PRDM11: variants seen among roughly 807,000 people sequenced by gnomAD.
PRDM11 encodes PR domain-containing protein 11.
A neutral mutation model predicts 97.8 loss-of-function variants in PRDM11; 20 were observed. The observed-to-expected ratio is 0.20, with a 90% CI of 0.14 to 0.30. The LOEUF (loss-of-function observed/expected upper bound fraction) is 0.30, where lower values mean the gene tolerates loss of function less well. Ranked by LOEUF, PRDM11 falls within the 10% of genes least tolerant of loss-of-function variation. The pLI is 1.00. For synonymous variants in PRDM11, 599 were observed against 637.7 expected (o/e 0.94, Z 0.91); for missense variants, 1,139 against 1,555.2 (o/e 0.73, Z 4.50).
chr11:45,186,132 A>G (rs568411608), intron 4 of PRDM11, among the ~76,000 whole-genome samples: 1 of 152,332 alleles, frequency 6.6e-6, no homozygotes, highest in South Asian at 2.1e-4. Flanking sequence ...CTATAAGGTA[A>G]TACATGTGTG....
chr11:45,227,208 C>G lies in PRDM11; in HGVS notation c.2583C>G (p.Ala861=). The G allele has an allele frequency of 6.5e-7, 1 of 1,533,974 alleles. No individual in the cohort carries two copies. Among genetic ancestry groups the G allele is most frequent in the Non-Finnish European group, 8.7e-7 (1 of 1,146,720 alleles). The change falls in exon 8 of 8, where the codon GCC becomes GCG. Residue 861 remains alanine (A), a synonymous_variant. Coordinates refer to ENST00000683152, the MANE Select transcript of PRDM11 (RefSeq NM_001384648.1). This position sits in a 1 kb window ranked among gnomAD's most constrained non-coding sequence, Gnocchi z 8.0. ...GCAGCCAGACCCAGCGGGCAGACGC[C>G]TCGGCCATCGCACTGGCCCTGCTGC... is the stretch of plus-strand genomic sequence containing the variant. ...EVSSQTQRAD[A]SAIALALLQF...
intron 1 of PRDM11, among the ~76,000 whole-genome samples, chr11:45,129,238 G>A (rs1461030598): frequency 6.6e-6 from 1 of 152,132 alleles, no homozygotes; most frequent in Non-Finnish European, 1.5e-5. Context: ...TCTGAGGTTA[G>A]GAACAAGACA....
chr11:45,225,088 A>G, intron 7 of PRDM11: 2 of 1,436,430 alleles, frequency 1.4e-6, no homozygotes, highest in Non-Finnish European at 1.8e-6. Context: ...GTTCCGCTGC[A>G]GAAGGGGTGT....
At chr11:45,155,838 ACC>A (rs930978262) in intron 1 of PRDM11, among the ~76,000 whole-genome samples, 1 of 151,850 alleles carries the variant, frequency 6.6e-6, no homozygotes, top group African/African-American at 2.4e-5. Flanking sequence ...TGGCTGCCAG[ACC>A]CTGGGCCTTT....
At chr11:45,123,368 T>G (rs955006617) in intron 1 of PRDM11, among the ~76,000 whole-genome samples, 2 of 152,134 alleles carry the variant, frequency 1.3e-5, no homozygotes, top group African/African-American at 4.8e-5. Context: ...TTTGTCAATT[T>G]TGGCTTTTGT....
At chr11:45,105,958 G>A (rs980876683) in intron 1 of PRDM11, among the ~76,000 whole-genome samples, 22 of 152,104 alleles carry the variant, frequency 1.4e-4, no homozygotes, top group Admixed American at 6.6e-5. Flanking sequence ...ATTTCCTTTA[G>A]GCAACAAAGA....
At chr11:45,153,244 G>C (rs568229859) in intron 1 of PRDM11, among the ~76,000 whole-genome samples, 1 of 152,364 alleles carries the variant, frequency 6.6e-6, no homozygotes, top group East Asian at 1.9e-4. Flanking sequence ...TGGTCCCTTG[G>C]CAGGGAAAGG....
At chr11:45,192,012 G>A (rs938722128) in intron 4 of PRDM11, among the ~76,000 whole-genome samples, 5 of 146,558 alleles carry the variant, frequency 3.4e-5, no homozygotes, top group Non-Finnish European at 6.0e-5. Context: ...TCCCACCCCC[G>A]CAACAGGCCG....
intron 4 of PRDM11, among the ~76,000 whole-genome samples, chr11:45,190,579 T>C (rs913871601): frequency 6.7e-6 from 1 of 148,842 alleles, no homozygotes; most frequent in African/African-American, 2.5e-5. Flanking sequence ...TGAGCAAACT[T>C]TTTTTTTTTT....
chr11:45,146,614 A>C (rs1477966947), upstream of PRDM11: 1 of 151,976 alleles, frequency 6.6e-6, no homozygotes, highest in Non-Finnish European at 1.5e-5. Context: ...GTCTGCCCCA[A>C]ACGCCGCTTT....
At chr11:45,130,198 T>A (rs912723485) in intron 1 of PRDM11, among the ~76,000 whole-genome samples, 2 of 152,066 alleles carry the variant, frequency 1.3e-5, no homozygotes, top group East Asian at 3.8e-4. Flanking sequence ...CAGAATCATA[T>A]CATTATGATA....
chr11:45,188,660 T>G (rs1852798743), intron 4 of PRDM11, among the ~76,000 whole-genome samples: 1 of 152,234 alleles, frequency 6.6e-6, no homozygotes, highest in African/African-American at 2.4e-5. Flanking sequence ...CCTGGCTGAC[T>G]TGGCAGGAGT....
chr11:45,201,451 T>C (rs1347184639), intron 4 of PRDM11, among the ~76,000 whole-genome samples: 1 of 152,132 alleles, frequency 6.6e-6, no homozygotes, highest in African/African-American at 2.4e-5. Flanking sequence ...CCTGCCTTCC[T>C]TCCTTTCTTG....
At chr11:45,094,488 G>C (rs1851857152), upstream of PRDM11, among the ~76,000 whole-genome samples, 1 of 150,416 alleles carries the variant, frequency 6.6e-6, no homozygotes, top group Admixed American at 6.6e-5. Context: ...TCATGGTGGG[G>C]AAGAGGAGAA....
intron 5 of PRDM11, among the ~76,000 whole-genome samples, chr11:45,217,361 C>T (rs1048759512): frequency 6.6e-6 from 1 of 152,090 alleles, no homozygotes; most frequent in African/African-American, 2.4e-5. Context: ...TGGAAATCAC[C>T]CTGTGGTCTT....
intron 1 of PRDM11, among the ~76,000 whole-genome samples, chr11:45,173,776 C>T (rs1852261813): frequency 6.6e-6 from 1 of 152,156 alleles, no homozygotes; most frequent in Non-Finnish European, 1.5e-5. Flanking sequence ...CAGGAGCCTC[C>T]ACTGGCTGGA....
Position 45,224,846 on chromosome 11 carries a change from A to G in PRDM11, c.1369+3A>G, listed in dbSNP as rs901173612. On this transcript the variant is annotated splice_donor_region_variant and intron_variant, in intron 7 of 7. Coordinates refer to ENST00000683152, the MANE Select transcript of PRDM11 (RefSeq NM_001384648.1). Reference sequence around the variant, plus strand: ...CCCAGAGTTCTCGGACCCTGCAGGTAAGTTGGTTTGGATGAGATTATTGTC... The same window carrying G: ...CCCAGAGTTCTCGGACCCTGCAGGTGAGTTGGTTTGGATGAGATTATTGTC... 3.1e-6 allele frequency: 5 copies of G among 1,613,344 alleles called. No individual in the cohort carries two copies. The highest frequency in any genetic ancestry group is 1.6e-4 in the Middle Eastern group (1 of 6,062).
intron 1 of PRDM11, among the ~76,000 whole-genome samples, chr11:45,152,631 T>C (rs938474341): frequency 6.6e-6 from 1 of 152,246 alleles, no homozygotes; most frequent in Non-Finnish European, 1.5e-5. Flanking sequence ...ATTGAGCACT[T>C]ACTGTGTTCA....
chr11:45,189,451 G>C (rs1852830351), intron 4 of PRDM11, among the ~76,000 whole-genome samples: 1 of 152,198 alleles, frequency 6.6e-6, no homozygotes, highest in South Asian at 2.1e-4. Context: ...CACTGGGAGA[G>C]TAGCTGGTAC....
Sources: allele counts gnomAD v4.1 joint callset (sites outside exome capture counted in the v4.1 genomes callset), GRCh38; gene constraint gnomAD v4.1.1; non-coding constraint Gnocchi (gnomAD v3.1); transcripts MANE v1.5; gene names NCBI Gene and HGNC (gene_info 2026-07-23, HGNC 2026-07-21).